Variants in LRP1B observed in about 807,000 individuals in gnomAD.
LRP1B encodes the protein low-density lipoprotein receptor-related protein 1B.
In LRP1B, 217 loss-of-function variants were observed where a neutral mutation model predicts 556.6. That is an observed-to-expected ratio of 0.39 (90% CI 0.35 to 0.44). The LOEUF is 0.44. Among genes scored for constraint, LRP1B ranks in the 20% least tolerant of loss-of-function variants. The pLI is 1.00. For missense variants in LRP1B, 5,053 were observed against 5,620.8 expected (o/e 0.90, Z 3.23); for synonymous variants, 2,047 against 1,865.8 (o/e 1.10, Z -2.50).
rs763876053 is a variant in LRP1B at position 140,534,114 on chromosome 2, T to C, written c.7669A>G (p.Lys2557Glu). ...CENRSCRRGF[K>E]PCYNRRCIPH... Reference sequence around the variant, plus strand: ...ATGCAGCGGCGATTATAGCATGGCTTGAAGCCTCTTCGACAGCTTCTGTTT... The same window carrying C: ...ATGCAGCGGCGATTATAGCATGGCTCGAAGCCTCTTCGACAGCTTCTGTTT... The change falls in exon 47 of 91, where the codon AAG (lysine) becomes GAG (glutamate). Residue 2557 changes from lysine (K) to glutamate (E), a missense_variant. Physicochemically the swap from Lys to Glu is moderately conservative, Grantham distance 56. Coordinates refer to ENST00000389484, the MANE Select transcript of LRP1B (RefSeq NM_018557.3). The C allele has an allele frequency of 6.2e-7, 1 of 1,613,246 alleles. No individual in the cohort carries two copies.
chr2:140,661,872 A>G (rs1280795857), intron 41 of LRP1B, among the ~76,000 whole-genome samples: 1 of 151,644 alleles, frequency 6.6e-6, no homozygotes, highest in Non-Finnish European at 1.5e-5. Flanking sequence ...TACACACAAA[A>G]AAGTTTAAGA....
intron 31 of LRP1B, 60 bp from the exon 32 acceptor site, chr2:140,813,866 T>A (rs2105037442): frequency 8.1e-7 from 1 of 1,234,290 alleles, no homozygotes; most frequent in Non-Finnish European, 1.2e-6. Context: ...AATATCCACC[T>A]AGCACCACTG....
intron 9 of LRP1B, among the ~76,000 whole-genome samples, chr2:141,057,421 C>T (rs1348021390): frequency 2.6e-5 from 4 of 151,716 alleles, no homozygotes; most frequent in Non-Finnish European, 2.9e-5. Context: ...TTGTTCATCC[C>T]ACCACCTGCA....
At chr2:140,277,431 C>A (rs1682722465) in intron 84 of LRP1B, among the ~76,000 whole-genome samples, 1 of 151,522 alleles carries the variant, frequency 6.6e-6, no homozygotes, top group African/African-American at 2.4e-5. Flanking sequence ...ACTAAAAATA[C>A]AAAAAATTAG....
intron 1 of LRP1B, among the ~76,000 whole-genome samples, chr2:141,844,924 A>T (rs2105765403): frequency 6.6e-6 from 1 of 151,998 alleles, no homozygotes; most frequent in Middle Eastern, 3.5e-3. Flanking sequence ...TGAGATTAGA[A>T]TTTTCAAAAT....
chr2:141,629,852 A>G (rs1688844475), intron 2 of LRP1B, among the ~76,000 whole-genome samples: 1 of 152,132 alleles, frequency 6.6e-6, no homozygotes. Flanking sequence ...TGACCCTAGC[A>G]GAGAATAGAT....
At chr2:141,532,754 G>T (rs780035735) in intron 2 of LRP1B, among the ~76,000 whole-genome samples, 1 of 152,120 alleles carries the variant, frequency 6.6e-6, no homozygotes, top group African/African-American at 2.4e-5. Flanking sequence ...GGGAGGTCAA[G>T]GCAGGCAGAT....
chr2:141,003,034 C>G (rs1180064233), intron 15 of LRP1B, among the ~76,000 whole-genome samples: 1 of 151,844 alleles, frequency 6.6e-6, no homozygotes, highest in Non-Finnish European at 1.5e-5. Flanking sequence ...TAATTTAAAA[C>G]TGAGGGTATT....
At chr2:142,023,117 A>T (rs555317998) in intron 1 of LRP1B, among the ~76,000 whole-genome samples, 2 of 152,174 alleles carry the variant, frequency 1.3e-5, no homozygotes, top group Non-Finnish European at 2.9e-5. Flanking sequence ...CTCTTGTTCT[A>T]TACCTTTCTA....
At chr2:141,985,516 T>TG (rs200519567) in intron 1 of LRP1B, among the ~76,000 whole-genome samples, 28,468 of 151,544 alleles carry the variant, frequency 0.19, 3,068 homozygotes, top group South Asian at 0.28. Flanking sequence ...TTTATTTTTT[T>TG]GGGGGGGGTA....
intron 3 of LRP1B, among the ~76,000 whole-genome samples, chr2:141,471,845 T>C (rs1178643725): frequency 6.6e-6 from 1 of 152,212 alleles, no homozygotes; most frequent in Non-Finnish European, 1.5e-5. Context: ...TAAAAAGTCT[T>C]TTTGGCCTCA....
chr2:141,997,642 C>T (rs1216491055), intron 1 of LRP1B, among the ~76,000 whole-genome samples: 1 of 68,888 alleles, frequency 1.5e-5, no homozygotes, highest in African/African-American at 5.0e-5. Flanking sequence ...GCCACTGCAC[C>T]CAGCCCATAT....
chr2:140,418,510 C>T (rs966574820), intron 66 of LRP1B, among the ~76,000 whole-genome samples: 10 of 152,084 alleles, frequency 6.6e-5, no homozygotes, highest in African/African-American at 2.4e-4. Context: ...ACAGTCAAGG[C>T]AGAATATGCT....
rs572734317 is a variant in LRP1B at position 141,170,271 on chromosome 2, C to G, written c.1013+18150G>C. 3.3e-5 allele frequency among the ~76,000 whole-genome samples: 5 copies of G among 152,204 alleles called. No homozygotes were observed. The East Asian group carries it at 9.7e-4, about 30-fold the overall frequency. ...CTAAAACGTGGCTCTCATGGCTCTA[C>G]TTTCTCTAATAATCCCCTCGTTGTT... On this transcript the variant is annotated intron_variant, in intron 7 of 90. Transcript: ENST00000389484.
chr2:140,253,824 A>C (rs1681557831), intron 86 of LRP1B, among the ~76,000 whole-genome samples: 1 of 152,176 alleles, frequency 6.6e-6, no homozygotes, highest in African/African-American at 2.4e-5. Flanking sequence ...AATTGAAGAC[A>C]TAAAAGTAGG....
intron 2 of LRP1B, among the ~76,000 whole-genome samples, chr2:141,489,254 C>T (rs1683244300): frequency 4.5e-5 from 1 of 22,404 alleles, no homozygotes; most frequent in South Asian, 3.7e-3. Flanking sequence ...TCCCAAAACA[C>T]TGGAATTACA....
intron 2 of LRP1B, among the ~76,000 whole-genome samples, chr2:141,637,677 C>T (rs1303393202): frequency 6.6e-6 from 1 of 152,188 alleles, no homozygotes; most frequent in African/African-American, 2.4e-5. Flanking sequence ...AACCAGTGGG[C>T]ATTAAGCGGA....
intron 41 of LRP1B, among the ~76,000 whole-genome samples, chr2:140,644,381 C>A: frequency 6.7e-6 from 1 of 150,332 alleles, no homozygotes; most frequent in East Asian, 2.0e-4. Context: ...TAGCATCAAT[C>A]ATTTCTTTCT....
chr2:142,016,765 G>T (rs868782088), intron 1 of LRP1B, among the ~76,000 whole-genome samples: 6 of 151,156 alleles, frequency 4.0e-5, no homozygotes, highest in African/African-American at 1.5e-4. Flanking sequence ...ACCATGGCAC[G>T]TGTATACCTA....
Sources: allele counts gnomAD v4.1 joint callset (sites outside exome capture counted in the v4.1 genomes callset), GRCh38; gene constraint gnomAD v4.1.1; transcripts MANE v1.5; gene names NCBI Gene and HGNC (gene_info 2026-07-23, HGNC 2026-07-21).